The following EIF2S3B variants were observed in gnomAD, a reference collection of about 807,000 sequenced individuals.
The protein encoded by EIF2S3B is eukaryotic translation initiation factor 2 subunit gamma B, also known as eukaryotic translation initiation factor 2 subunit 3B.
Under a neutral mutation model 26.4 loss-of-function variants are expected in EIF2S3B, and 16 were observed. The ratio of observed to expected loss-of-function variants is 0.61; its 90% CI spans 0.41 to 0.92. The LOEUF (loss-of-function observed/expected upper bound fraction) is 0.92, where lower values mean the gene tolerates loss of function less well. EIF2S3B is among the 40% of genes least tolerant of loss of function. The pLI is 0.00. For synonymous variants in EIF2S3B, 183 were observed against 204.4 expected (o/e 0.90, Z 0.89); for missense variants, 510 against 575.5 (o/e 0.89, Z 1.16).
chr12:10,512,757 T>C (rs1591634720), downstream of EIF2S3B, among the ~76,000 whole-genome samples: 1 of 152,142 alleles, frequency 6.6e-6, no homozygotes, highest in African/African-American at 2.4e-5. Flanking sequence ...ACTTCTATTA[T>C]CATTTTTCCT....
chr12:10,518,546 C>T (rs1478395973), intron 1 of EIF2S3B, among the ~76,000 whole-genome samples: 1 of 152,062 alleles, frequency 6.6e-6, no homozygotes, highest in Non-Finnish European at 1.5e-5. Context: ...GGTCTTGACT[C>T]TTTATCCAAT....
Position 10,506,209 on chromosome 12 carries a change from C to T in EIF2S3B, c.307C>T (p.Arg103Ter), listed in dbSNP as rs763552453. The part of the protein sequence containing the change: ...DPSCPRPECY[R>*]SCGSSMPDEF... ...AAGTTGCCCTCGGCCAGAATGTTATCGATCTTGTGGGAGCAGTATGCCTGA... is the reference window on the plus strand; with the variant it reads ...AAGTTGCCCTCGGCCAGAATGTTATTGATCTTGTGGGAGCAGTATGCCTGA... The change falls in exon 1 of 1, where the codon CGA (arginine) becomes TGA (stop). Residue 103 changes from arginine to a stop codon, truncating the protein, a stop_gained. Transcript: ENST00000538173. LOFTEE classifies it high-confidence loss of function. 2.5e-6 allele frequency: 4 copies of T among 1,588,692 alleles called. No homozygotes were observed. Among genetic ancestry groups the T allele is most frequent in the Non-Finnish European group, 3.5e-6 (4 of 1,156,966 alleles).
chr12:10,517,247 A>C (rs977584146), intron 1 of EIF2S3B, among the ~76,000 whole-genome samples: 106 of 151,932 alleles, frequency 7.0e-4, no homozygotes, highest in Non-Finnish European at 1.3e-3. Flanking sequence ...GTCCTGGACT[A>C]TTTTTGGTTG....
chr12:10,518,591 C>T (rs1441727165), intron 1 of EIF2S3B, among the ~76,000 whole-genome samples: 1 of 151,968 alleles, frequency 6.6e-6, no homozygotes. Context: ...GAGCATTTAG[C>T]CCATTTACAT....
intron 1 of EIF2S3B, among the ~76,000 whole-genome samples, chr12:10,514,635 T>C (rs1296956585): frequency 6.6e-6 from 1 of 152,190 alleles, no homozygotes; most frequent in African/African-American, 2.4e-5. Context: ...CTTCTTGTGT[T>C]TTCTATAACA....
downstream of EIF2S3B, among the ~76,000 whole-genome samples, chr12:10,513,313 C>T (rs775754054): frequency 6.6e-6 from 1 of 152,180 alleles, no homozygotes; most frequent in Non-Finnish European, 1.5e-5. Flanking sequence ...TAAATATTAT[C>T]CTACCCCTCC....
chr12:10,511,294 T>C (rs547471645), downstream of EIF2S3B, among the ~76,000 whole-genome samples: 1 of 152,110 alleles, frequency 6.6e-6, no homozygotes, highest in Non-Finnish European at 1.5e-5. Context: ...ATGGGTTTAA[T>C]GGAAAATCAT....
chr12:10,507,949 A>T lies in EIF2S3B; in HGVS notation c.*628A>T, dbSNP rs1864661135. Among the ~76,000 whole-genome samples the T allele has an allele frequency of 6.6e-6, 1 of 152,178 alleles. No homozygotes were observed. Among genetic ancestry groups the T allele is most frequent in the East Asian group, 1.9e-4 (1 of 5,184 alleles). ...AGCCTTTGCTGTAGCACACACATATATCACTGAAACTGTTCGAAATAAAGT... is the reference window on the plus strand; with the variant it reads ...AGCCTTTGCTGTAGCACACACATATTTCACTGAAACTGTTCGAAATAAAGT... On this transcript the variant is annotated 3_prime_UTR_variant, in exon 1 of 1. Coordinates refer to ENST00000538173, the MANE Select transcript of EIF2S3B (RefSeq NM_001357734.3).
intron 1 of EIF2S3B, among the ~76,000 whole-genome samples, chr12:10,521,068 C>G (rs12300017): frequency 0.19 from 28,659 of 152,056 alleles, 3,336 homozygotes; most frequent in Middle Eastern, 0.28. Context: ...ACACAAATAT[C>G]CAGATGTATA....
At chr12:10,510,762 G>A (rs936287660), downstream of EIF2S3B, among the ~76,000 whole-genome samples, 2 of 152,086 alleles carry the variant, frequency 1.3e-5, no homozygotes, top group Admixed American at 6.6e-5. Context: ...GCCACTGTTA[G>A]GATTACATTC....
chr12:10,516,110 G>A (rs923874795), intron 1 of EIF2S3B, among the ~76,000 whole-genome samples: 4 of 151,738 alleles, frequency 2.6e-5, no homozygotes, highest in Non-Finnish European at 5.9e-5. Flanking sequence ...ATGCTCTTTT[G>A]TGTGGCTAAA....
At position 10,507,525 on chromosome 12, in the gene EIF2S3B, T is replaced by C. The variant is rs886367074; in HGVS notation, c.*204T>C. 1 of 626,562 alleles carries C rather than the reference T, an allele frequency of 1.6e-6. No homozygotes were observed. Among genetic ancestry groups the C allele is most frequent in the Non-Finnish European group, 2.8e-6 (1 of 362,658 alleles). The allele number at this position is 626,562 out of a possible 1,614,324, so 38.8% of individuals were successfully genotyped here. On this transcript the variant is annotated 3_prime_UTR_variant, in exon 1 of 1. Coordinates refer to ENST00000538173, the MANE Select transcript of EIF2S3B (RefSeq NM_001357734.3). Reference sequence around the variant, plus strand: ...AATTAGTATAAAAATTGGCATAATGTTGGATTGAATCTACATTTTGGCAGA... The same window carrying C: ...AATTAGTATAAAAATTGGCATAATGCTGGATTGAATCTACATTTTGGCAGA...
chr12:10,508,525 CAAAAAAAAAAA>C, downstream of EIF2S3B, among the ~76,000 whole-genome samples: 7 of 62,972 alleles, frequency 1.1e-4, no homozygotes, highest in African/African-American at 3.3e-4. Flanking sequence ...TGTTAGAAAG[CAAAAAAAAAAA>C]AAAAAAAAAA....
At chr12:10,521,766 G>C (rs1169591147) in intron 1 of EIF2S3B, among the ~76,000 whole-genome samples, 2 of 152,224 alleles carry the variant, frequency 1.3e-5, no homozygotes, top group Non-Finnish European at 2.9e-5. Flanking sequence ...GAAACCTGAA[G>C]TGTATAGTAA....
downstream of EIF2S3B, among the ~76,000 whole-genome samples, chr12:10,508,525 C>CAAAAAAAAAAAAAAAAAAAA: frequency 1.6e-5 from 1 of 62,972 alleles, no homozygotes; most frequent in East Asian, 7.5e-4. Context: ...TGTTAGAAAG[C>CAAAAAAAAAAAAAAAAAAAA]AAAAAAAAAA....
downstream of EIF2S3B, among the ~76,000 whole-genome samples, chr12:10,510,676 A>C (rs1286316664): frequency 2.6e-5 from 4 of 152,166 alleles, no homozygotes; most frequent in Non-Finnish European, 5.9e-5. Context: ...GAAAGTCTGT[A>C]TGTTGGACAT....
Position 10,522,094 on chromosome 12 carries a change from C to T in EIF2S3B, c.1309-509C>T, listed in dbSNP as rs1356850469. Among the ~76,000 whole-genome samples, 3 of 152,156 alleles carry T rather than the reference C, an allele frequency of 2.0e-5. No individual in the cohort carries two copies. The East Asian group carries it at 5.8e-4, about 29-fold the overall frequency. On this transcript the variant is annotated intron_variant, in intron 1 of 1. Coordinates refer to the EIF2S3B transcript ENST00000322446. Reference sequence around the variant, plus strand: ...TTGACTTTCAGTCTGTAAAACATATCATACTGCCAAAGGTGTTTGTATTTT... The same window carrying T: ...TTGACTTTCAGTCTGTAAAACATATTATACTGCCAAAGGTGTTTGTATTTT...
At chr12:10,509,004 A>G (rs1864678848), downstream of EIF2S3B, among the ~76,000 whole-genome samples, 1 of 152,026 alleles carries the variant, frequency 6.6e-6, no homozygotes, top group South Asian at 2.1e-4. Context: ...TTGTTTCTCC[A>G]TTTTATGTTG....
rs1249741035 is a variant in EIF2S3B at position 10,507,096 on chromosome 12, G to T, written c.1194G>T (p.Leu398=). The change falls in exon 1 of 1, where the codon CTG becomes CTT. Residue 398 remains leucine (L), a synonymous_variant. Coordinates refer to ENST00000538173, the MANE Select transcript of EIF2S3B (RefSeq NM_001357734.3). ...AGAAAGCAGCAAAGGTTCAAAAGCT[G>T]TCTAAGAATGAAGTGCTCATGGTGA... The part of the protein sequence containing the change: ...GDKKAAKVQK[L]SKNEVLMVNI... The T allele has an allele frequency of 1.2e-6, 2 of 1,613,834 alleles. No individual in the cohort carries two copies. The highest frequency in any genetic ancestry group is 8.5e-7 in the Non-Finnish European group (1 of 1,179,692).
Sources: gnomAD v4.1 joint callset for allele counts (sites outside exome capture counted in the v4.1 genomes callset) on GRCh38, gnomAD v4.1.1 for gene constraint, MANE v1.5 for transcripts, NCBI Gene and HGNC (gene_info 2026-07-23, HGNC 2026-07-21) for gene names.